Variants in SEMA3A observed in about 807,000 individuals in gnomAD.
The protein encoded by SEMA3A is semaphorin 3A, also known as semaphorin-3A.
SEMA3A carries 29 observed loss-of-function variants against 97.9 expected under a neutral mutation model. That is an observed-to-expected ratio of 0.30 (90% CI 0.22 to 0.40). The LOEUF (loss-of-function observed/expected upper bound fraction) is 0.40. SEMA3A is among the 10% of genes least tolerant of loss of function. The pLI, the probability that SEMA3A is intolerant of heterozygous loss-of-function variation, is 1.00. For synonymous variants in SEMA3A, 321 were observed against 323.7 expected (o/e 0.99, Z 0.09); for missense variants, 763 against 951.3 (o/e 0.80, Z 2.60).
chr7:84,081,555 T>A (rs1360900497), intron 4 of SEMA3A, among the ~76,000 whole-genome samples: 1 of 143,508 alleles, frequency 7.0e-6, no homozygotes, highest in East Asian at 2.0e-4. Context: ...ATCACGCCAG[T>A]GCACTGTAGC....
At chr7:84,133,840 G>A (rs527477081) in intron 2 of SEMA3A, among the ~76,000 whole-genome samples, 24 of 146,398 alleles carry the variant, frequency 1.6e-4, no homozygotes, top group African/African-American at 6.1e-4. Context: ...CACTTGATCA[G>A]GAGATCGAGA....
At chr7:84,270,679 A>G (rs1342993810) in intron 3 of SEMA3A, among the ~76,000 whole-genome samples, 1 of 148,754 alleles carries the variant, frequency 6.7e-6, no homozygotes, top group Non-Finnish European at 1.5e-5. Flanking sequence ...ATGAATATAT[A>G]TAGATATATA....
At chr7:84,360,348 G>A (rs985604653) in intron 2 of SEMA3A, among the ~76,000 whole-genome samples, 6 of 151,956 alleles carry the variant, frequency 3.9e-5, no homozygotes, top group African/African-American at 1.5e-4. Flanking sequence ...TTGTGTCTCT[G>A]TTCTCGTTGG....
chr7:84,142,190 C>T (rs561677629), intron 1 of SEMA3A, among the ~76,000 whole-genome samples: 1 of 152,262 alleles, frequency 6.6e-6, no homozygotes, highest in Admixed American at 6.5e-5. Context: ...ATTGTTATCA[C>T]TTAACGGTCA....
chr7:84,057,825 A>G (rs1793056698), intron 5 of SEMA3A, among the ~76,000 whole-genome samples: 1 of 152,078 alleles, frequency 6.6e-6, no homozygotes, highest in South Asian at 2.1e-4. Context: ...CAAAATGATC[A>G]CTTTTAAAGG....
intron 6 of SEMA3A, among the ~76,000 whole-genome samples, chr7:84,035,441 T>C (rs2372019): frequency 0.69 from 104,924 of 151,768 alleles, 36,484 homozygotes; most frequent in Middle Eastern, 0.77. Flanking sequence ...GGAGTATTAT[T>C]GTGTTTATCA....
chr7:83,974,863 C>T (rs1789074432), intron 15 of SEMA3A, among the ~76,000 whole-genome samples: 1 of 152,088 alleles, frequency 6.6e-6, no homozygotes, highest in Non-Finnish European at 1.5e-5. Flanking sequence ...ACCCTTTCCT[C>T]TCAGATATCA....
intron 1 of SEMA3A, among the ~76,000 whole-genome samples, chr7:84,153,151 C>T (rs1354474989): frequency 1.3e-5 from 2 of 152,038 alleles, no homozygotes; most frequent in Admixed American, 1.3e-4. Context: ...GTTTATCAGC[C>T]CTGCTTTGCC....
At chr7:84,302,485 A>C (rs560032616) in intron 3 of SEMA3A, among the ~76,000 whole-genome samples, 25 of 152,326 alleles carry the variant, frequency 1.6e-4, no homozygotes, top group African/African-American at 5.5e-4. Context: ...CCTTTCATAC[A>C]TGTATCAACA....
chr7:84,080,031 T>C (rs1364075623), intron 4 of SEMA3A, among the ~76,000 whole-genome samples: 2 of 144,250 alleles, frequency 1.4e-5, no homozygotes, highest in South Asian at 4.6e-4. Context: ...CCATAAAAAA[T>C]GATGAGTTCA....
Position 84,003,211 on chromosome 7 carries a change from A to C in SEMA3A, c.1361-1165T>G, listed in dbSNP as rs186134398. On this transcript the variant is annotated intron_variant, in intron 11 of 16. Transcript: ENST00000265362. ...TTTATCCCTTGTAAAGTTAAACCAA[A>C]AAAAGTACACTTTTAAGAAGACCCT... 3.9e-5 allele frequency among the ~76,000 whole-genome samples: 6 copies of C among 152,272 alleles called. No homozygotes were observed. In the East Asian group the frequency reaches 1.2e-3, roughly 29 times the overall value.
intron 1 of SEMA3A, among the ~76,000 whole-genome samples, chr7:84,429,725 A>G (rs1371233555): frequency 6.6e-6 from 1 of 150,778 alleles, no homozygotes; most frequent in Non-Finnish European, 1.5e-5. Flanking sequence ...CTCTTATCCA[A>G]GGGTGTTCTG....
At chr7:84,316,735 G>C (rs995054288) in intron 2 of SEMA3A, among the ~76,000 whole-genome samples, 1 of 151,922 alleles carries the variant, frequency 6.6e-6, no homozygotes, top group Non-Finnish European at 1.5e-5. Context: ...TTATTTTAAA[G>C]CTATAATCCA....
In SEMA3A at chr7:84,007,488, G is replaced by C; in HGVS notation, c.1005C>G (p.Phe335Leu). The change falls in exon 10 of 17, where the codon TTC becomes TTG. Residue 335 changes from phenylalanine (F) to leucine (L), a missense_variant. By Grantham distance (22) the Phe-to-Leu change is conservative. This residue lies in a region of SEMA3A where 678 missense variants were observed against 881.3 expected (regional missense o/e 0.77). Coordinates refer to ENST00000265362, the MANE Select transcript of SEMA3A (RefSeq NM_006080.3). ...YGVFTTSSNI[F>L]KGSAVCMYSM... Reference sequence around the variant, plus strand: ...TATACATACACACGGCTGATCCCTTGAAAATGTTACTGAACAAGACAGCAA... The same window carrying C: ...TATACATACACACGGCTGATCCCTTCAAAATGTTACTGAACAAGACAGCAA... The C allele has an allele frequency of 6.4e-7, 1 of 1,559,940 alleles. No homozygotes were observed. The highest frequency in any genetic ancestry group is 8.7e-7 in the Non-Finnish European group (1 of 1,152,230).
rs987070206 is a variant in SEMA3A, at chr7:84,095,140, C to T, written c.453+15330G>A. Among the ~76,000 whole-genome samples the T allele has an allele frequency of 2.0e-5, 3 of 146,620 alleles. No individual in the cohort carries two copies. In the South Asian group the frequency reaches 6.3e-4, roughly 31 times the overall value. ...TCTATATATTGCATTATATATATTG[C>T]ATATTATATATTGTATATATATTGC... On this transcript the variant is annotated intron_variant, in intron 4 of 16. Coordinates refer to ENST00000265362, the MANE Select transcript of SEMA3A (RefSeq NM_006080.3).
intron 2 of SEMA3A, among the ~76,000 whole-genome samples, chr7:84,345,981 T>C (rs1451706918): frequency 6.6e-6 from 1 of 152,264 alleles, no homozygotes; most frequent in Non-Finnish European, 1.5e-5. Context: ...TTCATCTGCA[T>C]TGAAAATCTG....
chr7:84,305,758 A>T (rs2115843170), intron 3 of SEMA3A, among the ~76,000 whole-genome samples: 1 of 152,122 alleles, frequency 6.6e-6, no homozygotes, highest in East Asian at 1.9e-4. Context: ...AGCAATTGTA[A>T]CTGAAGGAGG....
intron 1 of SEMA3A, among the ~76,000 whole-genome samples, chr7:84,478,313 A>T (rs1395332664): frequency 2.0e-5 from 3 of 152,076 alleles, no homozygotes; most frequent in Non-Finnish European, 4.4e-5. Flanking sequence ...TCACCCTAAG[A>T]TGTATTATGT....
chr7:84,071,951 T>G (rs1171264171), intron 4 of SEMA3A, among the ~76,000 whole-genome samples: 1 of 152,086 alleles, frequency 6.6e-6, no homozygotes, highest in Non-Finnish European at 1.5e-5. Flanking sequence ...AATTTCGCCT[T>G]CAGGAGCTAA....
Sources: allele counts gnomAD v4.1 joint callset (sites outside exome capture counted in the v4.1 genomes callset), GRCh38; gene constraint gnomAD v4.1.1; regional missense constraint gnomAD v4.1.1; transcripts MANE v1.5; gene names NCBI Gene and HGNC (gene_info 2026-07-23, HGNC 2026-07-21).